GEMIN5: variants seen among roughly 807,000 people sequenced by gnomAD.
GEMIN5 encodes the protein gem nuclear organelle associated protein 5, also known as gem-associated protein 5.
A neutral mutation model predicts 176.9 loss-of-function variants in GEMIN5; 124 were observed. That is an observed-to-expected ratio of 0.70 (90% CI 0.61 to 0.81). The LOEUF (loss-of-function observed/expected upper bound fraction) is 0.81, where lower values mean the gene tolerates loss of function less well. GEMIN5 is among the 40% of genes least tolerant of loss of function. The pLI, the probability that GEMIN5 is intolerant of heterozygous loss-of-function variation, is 0.00. For synonymous variants in GEMIN5, 673 were observed against 665.2 expected (o/e 1.01, Z -0.18); for missense variants, 1,843 against 1,814.6 (o/e 1.02, Z -0.28).
chr5:154,909,493 T>C (rs937759801), intron 15 of GEMIN5, among the ~76,000 whole-genome samples: 5 of 152,172 alleles, frequency 3.3e-5, no homozygotes, highest in African/African-American at 1.2e-4. Context: ...TAAAATCATC[T>C]TTACTGAGGG....
intron 13 of GEMIN5, among the ~76,000 whole-genome samples, chr5:154,913,714 G>A (rs539028574): frequency 8.5e-5 from 13 of 152,238 alleles, no homozygotes; most frequent in Middle Eastern, 3.4e-3. Flanking sequence ...CTACATAGGA[G>A]GCTGAGATGG....
At chr5:154,889,005 T>C (rs1763166229) in intron 27 of GEMIN5, among the ~76,000 whole-genome samples, 1 of 151,976 alleles carries the variant, frequency 6.6e-6, no homozygotes, top group African/African-American at 2.4e-5. Flanking sequence ...GCCTCCCGAG[T>C]AACTGGGACT....
At chr5:154,930,708 A>G (rs143341664) in intron 5 of GEMIN5, among the ~76,000 whole-genome samples, 1 of 152,338 alleles carries the variant, frequency 6.6e-6, no homozygotes, top group East Asian at 1.9e-4. Context: ...AATGGAGAGT[A>G]GAATTCTGGA....
At chr5:154,932,068 T>A in intron 4 of GEMIN5, 31 bp downstream of exon 4, 2 of 1,526,618 alleles carry the variant, frequency 1.3e-6, no homozygotes, top group African/African-American at 2.8e-5. Flanking sequence ...AGGTCTCAAG[T>A]GGACTTAACT....
chr5:154,914,775 GT>G (rs1431612626), intron 13 of GEMIN5, among the ~76,000 whole-genome samples: 1 of 152,222 alleles, frequency 6.6e-6, no homozygotes, highest in East Asian at 1.9e-4. Context: ...ACAAATAATA[GT>G]TGTGTATATT....
Position 154,937,038 on chromosome 5 carries a change from T to C in GEMIN5, c.314A>G (p.His105Arg), listed in dbSNP as rs1764284051. 2 of 1,613,660 alleles carry C rather than the reference T, an allele frequency of 1.2e-6. No homozygotes were observed. The highest frequency in any genetic ancestry group is 1.3e-5 in the African/African-American group (1 of 75,048). The change falls in exon 2 of 28, where the codon CAT becomes CGT. Residue 105 changes from histidine to arginine, a missense_variant. Transcript: ENST00000285873. ...DVETKTVVTE[H>R]ALHQHTISTL... ...AAGCCATGGTACCTGATGGAGTGCATGTTCTGTCACAACTGTTTTTGTCTC... is the reference window on the plus strand; with the variant it reads ...AAGCCATGGTACCTGATGGAGTGCACGTTCTGTCACAACTGTTTTTGTCTC...
At position 154,937,277 on chromosome 5, in the gene GEMIN5, C is replaced by T. The variant is rs535974137; in HGVS notation, c.167-92G>A. On this transcript the variant is annotated intron_variant, in intron 1 of 27. Coordinates refer to ENST00000285873, the MANE Select transcript of GEMIN5 (RefSeq NM_015465.5). ...TTGTTGGATGACAAGTGAGCAGATG[C>T]TTTGGAGTTACTTAACCCATGGTAT... The T allele has an allele frequency of 8.6e-6, 9 of 1,049,942 alleles. No individual in the cohort carries two copies. The Admixed American group carries it at 1.7e-4, about 20-fold the overall frequency. 65.0% of individuals were successfully genotyped at this position (1,049,942 alleles called of 1,614,324 possible).
chr5:154,912,025 G>A (rs1407128715), intron 14 of GEMIN5, 127 bp from the exon 15 acceptor site: 17 of 822,898 alleles, frequency 2.1e-5, no homozygotes, highest in Non-Finnish European at 2.6e-5. Context: ...TTCCTCAGGT[G>A]ATTTAGAGTT....
Position 154,911,883 on chromosome 5 carries a change from G to C in GEMIN5, c.2011C>G (p.Arg671Gly). 6.2e-7 allele frequency: 1 copy of C among 1,613,972 alleles called. No individual in the cohort carries two copies. Among genetic ancestry groups the C allele is most frequent in the Non-Finnish European group, 8.5e-7 (1 of 1,179,934 alleles). The change falls in exon 15 of 28, where the codon CGG becomes GGG. Residue 671 changes from arginine to glycine, a missense_variant. Transcript: ENST00000285873. ...DGTAQVWDAL[R>G]EEPLCNFRGH... ...CGGAAATTGCACAGGGGCTCTTCCC[G>C]GAGAGCATCCCACACCTAAACCCAA...
At chr5:154,921,054 GT>G (rs1763911589) in intron 10 of GEMIN5, among the ~76,000 whole-genome samples, 1 of 152,100 alleles carries the variant, frequency 6.6e-6, no homozygotes, top group Non-Finnish European at 1.5e-5. Flanking sequence ...ATTAGACTGG[GT>G]ATCAGGACCC....
chr5:154,908,172 C>T (rs12186885), intron 15 of GEMIN5, among the ~76,000 whole-genome samples: 11,040 of 73,068 alleles, frequency 0.15, 686 homozygotes, highest in Admixed American at 0.26. Flanking sequence ...CCCAGATGTC[C>T]TTTTTTTTTT....
At chr5:154,912,760 C>T (rs979979486) in intron 14 of GEMIN5, 139 bp downstream of exon 14, 6 of 672,008 alleles carry the variant, frequency 8.9e-6, no homozygotes, top group East Asian at 2.8e-5. Flanking sequence ...AACTAAAATG[C>T]CTCCTAGAGC....
At chr5:154,893,336 G>A (rs1327462409) in intron 24 of GEMIN5, among the ~76,000 whole-genome samples, 14 of 150,508 alleles carry the variant, frequency 9.3e-5, no homozygotes, top group Non-Finnish European at 1.3e-4. Flanking sequence ...AGGCTGAGGC[G>A]GAAGAATTGC....
rs538865809 is a variant in GEMIN5 at position 154,937,908 on chromosome 5, C to T, written c.166+60G>A. The T allele has an allele frequency of 6.4e-6, 9 of 1,402,438 alleles. No homozygotes were observed. The East Asian group carries it at 2.6e-4, about 41-fold the overall frequency. 86.9% of individuals were successfully genotyped at this position (1,402,438 alleles called of 1,614,324 possible). On this transcript the variant is annotated intron_variant, in intron 1 of 27. Transcript: ENST00000285873. ...AGAAAACGGGGTGGAGTCGTCCACT[C>T]GGCGCCCCTGGGGAGCGTACAAAGG...
At position 154,888,335 on chromosome 5, in the gene GEMIN5, G is replaced by T; in HGVS notation, c.4402C>A (p.Leu1468Ile). ...CCAGGAAAGTGGGACCTGATGAGAAGCAGGACGAGGCAGCACTCCAGCACA... is the reference window on the plus strand; with the variant it reads ...CCAGGAAAGTGGGACCTGATGAGAATCAGGACGAGGCAGCACTCCAGCACA... ...PDVLECCLVL[L>I]LIRSHFPGCL... Residue 1468 changes from leucine (L) to isoleucine (I), a missense_variant, in exon 28 of 28, where the codon CTT becomes ATT. Physicochemically the swap from Leu to Ile is conservative, Grantham distance 5. Coordinates refer to ENST00000285873, the MANE Select transcript of GEMIN5 (RefSeq NM_015465.5). 6.2e-7 allele frequency: 1 copy of T among 1,614,138 alleles called. No homozygotes were observed. Among genetic ancestry groups the T allele is most frequent in the Non-Finnish European group, 8.5e-7 (1 of 1,179,996 alleles).
Position 154,935,170 on chromosome 5 carries a change from T to G in GEMIN5, c.509+671A>C, listed in dbSNP as rs966486415. Among the ~76,000 whole-genome samples the G allele has an allele frequency of 2.0e-5, 3 of 152,340 alleles. No individual in the cohort carries two copies. The East Asian group carries it at 5.8e-4, about 29-fold the overall frequency. Reference sequence around the variant, plus strand: ...TCCATTTAATACTCCCTTGACCCCATCTATCCCCTCTGGCTTCATGTATAT... The same window carrying G: ...TCCATTTAATACTCCCTTGACCCCAGCTATCCCCTCTGGCTTCATGTATAT... On this transcript the variant is annotated intron_variant, in intron 3 of 27. Coordinates refer to ENST00000285873, the MANE Select transcript of GEMIN5 (RefSeq NM_015465.5).
intron 6 of GEMIN5, 130 bp from the exon 7 acceptor site, chr5:154,927,680 CTGAAA>C: frequency 3.2e-6 from 2 of 629,694 alleles, no homozygotes; most frequent in Non-Finnish European, 5.4e-6. Flanking sequence ...ATTGCATATG[CTGAAA>C]ATATGCACAA....
chr5:154,891,034 G>A (rs1211198222), intron 26 of GEMIN5, among the ~76,000 whole-genome samples: 1 of 149,234 alleles, frequency 6.7e-6, no homozygotes, highest in East Asian at 2.0e-4. Context: ...GGGATTACAA[G>A]CGTGATCCAC....
At chr5:154,932,559 T>C (rs1764191064) in intron 3 of GEMIN5, among the ~76,000 whole-genome samples, 1 of 152,148 alleles carries the variant, frequency 6.6e-6, no homozygotes, top group African/African-American at 2.4e-5. Flanking sequence ...ATTTTCATAG[T>C]TTTTGCAAGG....
Sources: allele counts gnomAD v4.1 joint callset (sites outside exome capture counted in the v4.1 genomes callset), GRCh38; gene constraint gnomAD v4.1.1; transcripts MANE v1.5; gene names NCBI Gene and HGNC (gene_info 2026-07-23, HGNC 2026-07-21).